Variants in ZFR2 observed in about 807,000 individuals in gnomAD.
ZFR2 encodes the protein zinc finger RNA-binding protein 2.
A neutral mutation model predicts 105.7 loss-of-function variants in ZFR2; 104 were observed. That is an observed-to-expected ratio of 0.98 (90% confidence interval 0.84 to 1.16). ZFR2 has a LOEUF of 1.16. Among genes scored for constraint, ZFR2 ranks in the 50% most tolerant of loss-of-function variants. The pLI is 0.00. For synonymous variants in ZFR2, 634 were observed against 597.7 expected, an observed-to-expected ratio of 1.06 and a Z score of -0.89; for missense variants, 1,425 against 1,355.5, an observed-to-expected ratio of 1.05 and a Z score of -0.80.
chr19:3,823,406 G>C lies in ZFR2; in HGVS notation c.1214-3C>G. 1 of 1,600,576 alleles carries C rather than the reference G, an allele frequency of 6.2e-7. No individual in the cohort carries two copies. On this transcript the variant is annotated splice_region_variant and splice_polypyrimidine_tract_variant and intron_variant, in intron 7 of 18. Transcript: ENST00000262961. The surrounding 1 kb of genome is among the most constrained non-coding windows in gnomAD (Gnocchi z 5.4). Reference sequence around the variant, plus strand: ...TGCTGCCTGTGGCTCAGGAGGCCCTGAGGGGAAAAACCATGTCACTTATAC... The same window carrying C: ...TGCTGCCTGTGGCTCAGGAGGCCCTCAGGGGAAAAACCATGTCACTTATAC...
intron 1 of ZFR2, among the ~76,000 whole-genome samples, chr19:3,846,256 C>G (rs931372083): frequency 3.9e-5 from 6 of 152,206 alleles, no homozygotes; most frequent in African/African-American, 1.4e-4. Flanking sequence ...GGATTACAGG[C>G]GTGAGCCACT....
intron 12 of ZFR2, 62 bp from the exon 13 acceptor site, chr19:3,816,907 C>CT: frequency 2.7e-6 from 4 of 1,461,814 alleles, no homozygotes; most frequent in Non-Finnish European, 3.7e-6. Flanking sequence ...CCCCAGCTGC[C>CT]TCCCTCCTGA....
Position 3,805,961 on chromosome 19 carries a change from C to G in ZFR2, c.2808G>C (p.Glu936Asp). 1.3e-6 allele frequency: 2 copies of G among 1,536,212 alleles called. No homozygotes were observed. The highest frequency in any genetic ancestry group is 2.4e-5 in the South Asian group (2 of 83,600). Residue 936 changes from glutamate to aspartate, a missense_variant, in exon 19 of 19, where the codon GAG becomes GAC. Glu to Asp is a conservative substitution (Grantham distance 45). Transcript: ENST00000262961. ...GEKKRGRRGG[E>D]GLV The stretch of plus-strand genomic sequence containing the variant: ...GGAGGTAGGCGGCTCACACGAGCCC[C>G]TCTCCGCCCCGCCGGCCCCGCTTCT...
intron 6 of ZFR2, among the ~76,000 whole-genome samples, chr19:3,826,529 G>A (rs370010273): frequency 7.9e-5 from 12 of 151,880 alleles, no homozygotes; most frequent in East Asian, 1.9e-4. Context: ...TCCACCTACC[G>A]GGTTCAAGCA....
intron 1 of ZFR2, among the ~76,000 whole-genome samples, chr19:3,862,335 T>C (rs1048293644): frequency 6.6e-6 from 1 of 152,200 alleles, no homozygotes; most frequent in African/African-American, 2.4e-5. Context: ...TCTCACTCGG[T>C]TGCCCAGGCT....
intron 13 of ZFR2, among the ~76,000 whole-genome samples, chr19:3,816,138 T>G (rs1261196917): frequency 6.6e-6 from 1 of 151,178 alleles, no homozygotes; most frequent in Non-Finnish European, 1.5e-5. Context: ...TGGACTCGAG[T>G]GATCCTCCTG....
At position 3,866,971 on chromosome 19, in the gene ZFR2, C is replaced by T. The variant is rs547507854; in HGVS notation, c.53+1994G>A. 3.3e-5 allele frequency among the ~76,000 whole-genome samples: 5 copies of T among 152,306 alleles called. No individual in the cohort carries two copies. The East Asian group carries it at 5.8e-4, about 18-fold the overall frequency. ...CAGGAAACAGATGCACTCCTCATTCCCACAGCCCTGGTTTCCAAGCCCTGG... is the reference window on the plus strand; with the variant it reads ...CAGGAAACAGATGCACTCCTCATTCTCACAGCCCTGGTTTCCAAGCCCTGG... On this transcript the variant is annotated intron_variant, in intron 1 of 18. Coordinates refer to ENST00000262961, the MANE Select transcript of ZFR2 (RefSeq NM_015174.2).
chr19:3,828,346 C>A (rs2037975398), intron 5 of ZFR2, among the ~76,000 whole-genome samples: 2 of 152,142 alleles, frequency 1.3e-5, no homozygotes, highest in Admixed American at 1.3e-4. Context: ...ACGTAACAAA[C>A]CCACAGGCTC....
At chr19:3,808,640 GC>G (rs1409296843) in intron 17 of ZFR2, among the ~76,000 whole-genome samples, 2 of 152,266 alleles carry the variant, frequency 1.3e-5, no homozygotes, top group Non-Finnish European at 2.9e-5. Context: ...TGGGGGCTGA[GC>G]CCTCCCTTCC....
intron 3 of ZFR2, 112 bp from the exon 4 acceptor site, chr19:3,831,990 AC>A: frequency 3.3e-6 from 3 of 915,952 alleles, no homozygotes; most frequent in Non-Finnish European, 4.6e-6. Context: ...TTAAGCCAGG[AC>A]CAGAGGCCAG....
chr19:3,805,378 A>T lies in ZFR2; in HGVS notation c.*571T>A, dbSNP rs190245781. ...ACAAATGTTAAAAAACATTTCTTTT[A>T]AGTGACAAAGTCTTCTTCTGTTGCC... On this transcript the variant is annotated 3_prime_UTR_variant, in exon 19 of 19. Coordinates refer to ENST00000262961, the MANE Select transcript of ZFR2 (RefSeq NM_015174.2). 1 of 152,092 alleles carries T rather than the reference A, an allele frequency of 6.6e-6. No individual in the cohort carries two copies. Among genetic ancestry groups the T allele is most frequent in the East Asian group, 2.0e-4 (1 of 5,108 alleles). 9.4% of individuals were successfully genotyped at this position (152,092 alleles called of 1,614,324 possible).
rs1020538574 is a variant in ZFR2 at position 3,838,836 on chromosome 19, G to C, written c.54-3853C>G. Among the ~76,000 whole-genome samples, 1 of 152,074 alleles carries C rather than the reference G, an allele frequency of 6.6e-6. No homozygotes were observed. Among genetic ancestry groups the C allele is most frequent in the African/African-American group, 2.4e-5 (1 of 41,410 alleles). On this transcript the variant is annotated intron_variant, in intron 1 of 18. Transcript: ENST00000262961. This position sits in a 1 kb window ranked among gnomAD's most constrained non-coding sequence, Gnocchi z 4.9. ...TCTGTCCACAGGCCGTCTCCTCCCTGGTCCCGATGCCCTGAGATGCAGGAC... is the reference window on the plus strand; with the variant it reads ...TCTGTCCACAGGCCGTCTCCTCCCTCGTCCCGATGCCCTGAGATGCAGGAC...
At chr19:3,817,250 C>T (rs1365842803) in intron 12 of ZFR2, among the ~76,000 whole-genome samples, 1 of 152,004 alleles carries the variant, frequency 6.6e-6, no homozygotes, top group Non-Finnish European at 1.5e-5. Context: ...TCTTGCTTCA[C>T]GGGGGTTAAG....
intron 5 of ZFR2, among the ~76,000 whole-genome samples, chr19:3,830,983 A>G (rs1035077919): frequency 1.0e-4 from 11 of 109,286 alleles, no homozygotes; most frequent in Middle Eastern, 9.3e-3. Context: ...GCACACACAT[A>G]CACACACGCT....
Position 3,827,604 on chromosome 19 carries a change from G to C in ZFR2, c.902C>G (p.Ala301Gly). The C allele has an allele frequency of 6.3e-7, 1 of 1,580,240 alleles. No homozygotes were observed. Among genetic ancestry groups the C allele is most frequent in the Non-Finnish European group, 8.6e-7 (1 of 1,163,612 alleles). Reference protein sequence around the residue: ...GGQKHRKKEAAQKTGVQPNGS... With the variant: ...GGQKHRKKEAGQKTGVQPNGS... ...GTTGGGCTGCACGCCTGTCTTCTGG[G>C]CCGCCTCCTTCTTTCTGTGCTTCTG... Residue 301 changes from alanine (A) to glycine (G), a missense_variant, in exon 6 of 19, where the codon GCC becomes GGC. Coordinates refer to ENST00000262961, the MANE Select transcript of ZFR2 (RefSeq NM_015174.2).
At position 3,822,100 on chromosome 19, in the gene ZFR2, C is replaced by T; in HGVS notation, c.1472G>A (p.Arg491Gln). 6.2e-7 allele frequency: 1 copy of T among 1,607,034 alleles called. No individual in the cohort carries two copies. The highest frequency in any genetic ancestry group is 1.1e-5 in the South Asian group (1 of 89,564). Reference protein sequence around the residue: ...NAKDLHVRGRRHRLQYRKKVN... With the variant: ...NAKDLHVRGRQHRLQYRKKVN... Reference sequence around the variant, plus strand: ...ACGCACCCGGTACTGCAGCCGGTGCCGCCGCCCCCTCACGTGCAGGTCCTT... The same window carrying T: ...ACGCACCCGGTACTGCAGCCGGTGCTGCCGCCCCCTCACGTGCAGGTCCTT... Residue 491 changes from arginine (R) to glutamine (Q), a missense_variant, in exon 9 of 19, where the codon CGG becomes CAG. Coordinates refer to ENST00000262961, the MANE Select transcript of ZFR2 (RefSeq NM_015174.2).
At chr19:3,816,588 C>T in intron 13 of ZFR2, 86 bp downstream of exon 13, 11 of 1,487,410 alleles carry the variant, frequency 7.4e-6, no homozygotes, top group Non-Finnish European at 9.8e-6. Flanking sequence ...ACAAAGGTCC[C>T]CTGCCATCTA....
At position 3,805,737 on chromosome 19, in the gene ZFR2, C is replaced by T. The variant is rs1256007363; in HGVS notation, c.*212G>A. The T allele has an allele frequency of 3.8e-6, 2 of 522,232 alleles. No individual in the cohort carries two copies. Among genetic ancestry groups the T allele is most frequent in the Non-Finnish European group, 6.4e-6 (2 of 312,426 alleles). The allele number at this position is 522,232 out of a possible 1,614,324, so 32.3% of individuals were successfully genotyped here. A position where few individuals can be genotyped will look rare whatever the true frequency, so the allele number is the denominator to read the frequency against. ...TCTGGGCTGGCCTTGAACTCTCAGG[C>T]TCAAGCAACTCAGCCTCCCAAAGTG... On this transcript the variant is annotated 3_prime_UTR_variant, in exon 19 of 19. Transcript: ENST00000262961.
chr19:3,863,633 T>G (rs1599260068), intron 1 of ZFR2, among the ~76,000 whole-genome samples: 1 of 152,118 alleles, frequency 6.6e-6, no homozygotes, highest in African/African-American at 2.4e-5. Context: ...CCTAAACCAC[T>G]ATCTGACCGG....
Sources: gnomAD v4.1 joint callset for allele counts (sites outside exome capture counted in the v4.1 genomes callset) on GRCh38, gnomAD v4.1.1 for gene constraint, Gnocchi (gnomAD v3.1) non-coding constraint, MANE v1.5 for transcripts, NCBI Gene and HGNC (gene_info 2026-07-23, HGNC 2026-07-21) for gene names.